ZBTB17: variants seen among roughly 807,000 people sequenced by gnomAD.
The protein encoded by ZBTB17 is zinc finger and BTB domain-containing protein 17.
ZBTB17 carries 24 observed loss-of-function variants against 85.1 expected under a neutral mutation model. The ratio of observed to expected loss-of-function variants is 0.28; its 90% CI spans 0.20 to 0.40. ZBTB17 has a LOEUF of 0.40. Ranked by LOEUF, ZBTB17 falls within the 10% of genes least tolerant of loss-of-function variation. ZBTB17 has a pLI of 1.00. For synonymous variants in ZBTB17, 464 were observed against 460.2 expected (o/e 1.01, Z -0.11); for missense variants, 743 against 1,105.1 (o/e 0.67, Z 4.65).
intron 2 of ZBTB17, chr1:15,969,967 C>T: frequency 1.2e-6 from 1 of 831,476 alleles, no homozygotes; most frequent in Non-Finnish European, 1.9e-6. Context: ...TGGTGGCTTC[C>T]CACTGGGGAA....
At chr1:15,956,726 G>A (rs1392476375) in intron 2 of ZBTB17, among the ~76,000 whole-genome samples, 1 of 152,182 alleles carries the variant, frequency 6.6e-6, no homozygotes, top group Non-Finnish European at 1.5e-5. Flanking sequence ...AATGTCTAAT[G>A]AGAGTCTACC....
chr1:15,942,967 C>T lies in ZBTB17; in HGVS notation c.1828+97G>A, dbSNP rs889311958. On this transcript the variant is annotated intron_variant, in intron 13 of 15. Coordinates refer to ENST00000375743, the MANE Select transcript of ZBTB17 (RefSeq NM_003443.3). ...AGGCCACCTGCAGCAAGAGCTAGCA[C>T]CCGAGGCTGGGGTCTGGGGGGTCCC... is the stretch of plus-strand genomic sequence containing the variant. The T allele has an allele frequency of 5.2e-6, 8 of 1,537,948 alleles. No individual in the cohort carries two copies. In the African/African-American group the frequency reaches 1.1e-4, roughly 22 times the overall value.
chr1:15,971,571 ATATATATATACACACACAC>A, intron 2 of ZBTB17, among the ~76,000 whole-genome samples: 1 of 128,730 alleles, frequency 7.8e-6, no homozygotes, highest in Non-Finnish European at 1.7e-5. Flanking sequence ...CACACACACT[ATATATATATACACACACAC>A]TATATATATA....
intron 2 of ZBTB17, among the ~76,000 whole-genome samples, chr1:15,965,603 C>T (rs2072415337): frequency 6.6e-6 from 1 of 152,202 alleles, no homozygotes; most frequent in African/African-American, 2.4e-5. Flanking sequence ...AGAGGCTGTG[C>T]ATACATGTCC....
At chr1:15,962,943 C>T (rs1327834017) in intron 2 of ZBTB17, among the ~76,000 whole-genome samples, 1 of 151,972 alleles carries the variant, frequency 6.6e-6, no homozygotes, top group African/African-American at 2.4e-5. Context: ...CAGCGAGACC[C>T]TGTTTCTAAA....
rs537932285 is a variant in ZBTB17, at chr1:15,971,882, A to T, written c.-3+1157T>A. Among the ~76,000 whole-genome samples, 4 of 70,450 alleles carry T rather than the reference A, an allele frequency of 5.7e-5. No individual in the cohort carries two copies. The East Asian group carries it at 1.0e-3, about 18-fold the overall frequency. 46.2% of individuals were successfully genotyped at this position (70,450 alleles called of 152,430 possible). ...CTTGTGATTAGGAAAATTAATAGTC[A>T]TTACTTTTTTTTTTTTTAACTCTTT... On this transcript the variant is annotated intron_variant, in intron 2 of 15. Transcript: ENST00000375743.
At chr1:15,957,906 G>C (rs1001398204) in intron 2 of ZBTB17, among the ~76,000 whole-genome samples, 1 of 152,158 alleles carries the variant, frequency 6.6e-6, no homozygotes, top group Non-Finnish European at 1.5e-5. Flanking sequence ...AGACTCCGTG[G>C]GGGGAATCAG....
chr1:15,949,520 G>A (rs1557779848), intron 2 of ZBTB17, among the ~76,000 whole-genome samples: 1 of 152,260 alleles, frequency 6.6e-6, no homozygotes, highest in African/African-American at 2.4e-5. Flanking sequence ...CCTGGCCCAG[G>A]ATCTGCTAAG....
At position 15,945,938 on chromosome 1, in the gene ZBTB17, C is replaced by T. The variant is rs755472925; in HGVS notation, c.536-98G>A. Reference sequence around the variant, plus strand: ...GCGCTGGTGGTGGCTGCGTGTGACCCAGGAGGGGAGGCCCCAGCACACCCC... The same window carrying T: ...GCGCTGGTGGTGGCTGCGTGTGACCTAGGAGGGGAGGCCCCAGCACACCCC... On this transcript the variant is annotated intron_variant, in intron 5 of 15. Coordinates refer to ENST00000375743, the MANE Select transcript of ZBTB17 (RefSeq NM_003443.3). The T allele has an allele frequency of 6.4e-6, 10 of 1,563,212 alleles. No homozygotes were observed. The African/African-American group carries it at 1.1e-4, about 17-fold the overall frequency.
intron 9 of ZBTB17, 81 bp downstream of exon 9, chr1:15,944,219 C>G (rs745662848): frequency 3.3e-6 from 5 of 1,522,340 alleles, no homozygotes; most frequent in South Asian, 1.2e-5. Context: ...CTGTGCTCCC[C>G]GCCCGCCCCA....
At position 15,952,041 on chromosome 1, in the gene ZBTB17, C is replaced by A. The variant is rs1251234809; in HGVS notation, c.-2-3544G>T. ...GTCAAGGTCTGTGGTCTTGTCTTCA[C>A]CTTGCGTGATGGGCGATAAATATGT... On this transcript the variant is annotated intron_variant, in intron 2 of 15. Coordinates refer to ENST00000375743, the MANE Select transcript of ZBTB17 (RefSeq NM_003443.3). This position sits in a 1 kb window ranked among gnomAD's most constrained non-coding sequence, Gnocchi z 4.3. Among the ~76,000 whole-genome samples the A allele has an allele frequency of 1.3e-5, 2 of 152,212 alleles. No individual in the cohort carries two copies. Among genetic ancestry groups the A allele is most frequent in the Non-Finnish European group, 2.9e-5 (2 of 68,048 alleles).
At chr1:15,946,004 C>T (rs2071591096) in intron 5 of ZBTB17, 150 bp downstream of exon 5, 2 of 1,546,824 alleles carry the variant, frequency 1.3e-6, no homozygotes, top group Non-Finnish European at 1.8e-6. Context: ...AAACAGACCC[C>T]CTGGAACACA....
At chr1:15,968,066 A>AC (rs998683617) in intron 2 of ZBTB17, among the ~76,000 whole-genome samples, 13 of 152,192 alleles carry the variant, frequency 8.5e-5, no homozygotes, top group African/African-American at 2.9e-4. Flanking sequence ...ACAGAAACCC[A>AC]CCCCCCACAA....
intron 12 of ZBTB17, 43 bp downstream of exon 12, chr1:15,943,356 C>T: frequency 6.3e-7 from 1 of 1,581,106 alleles, no homozygotes; most frequent in Non-Finnish European, 8.6e-7. Context: ...AGCCCCCTCA[C>T]TGTGGGGTGT....
At chr1:15,946,344 T>G (rs780764524) in intron 4 of ZBTB17, 50 bp from the exon 5 acceptor site, 1 of 1,585,790 alleles carries the variant, frequency 6.3e-7, no homozygotes, top group Admixed American at 1.7e-5. Context: ...GTGCCCGCCA[T>G]CTGGAGGTGT....
In ZBTB17 at chr1:15,942,118, G is replaced by A; in HGVS notation, c.2263C>T (p.Gln755Ter). ...VMFQTDADFY[Q>*]QYGPGGTWPA... ...CACGTGCCACCTGGCCCATACTGCT[G>A]ATAGAAGTCCGCGTCTGTCTGGAAC... The change falls in exon 16 of 16, where the codon CAG (glutamine) becomes TAG (stop). Residue 755 changes from glutamine to a stop codon, truncating the protein, a stop_gained. Coordinates refer to ENST00000375743, the MANE Select transcript of ZBTB17 (RefSeq NM_003443.3). LOFTEE classifies it high-confidence loss of function. 6.2e-7 allele frequency: 1 copy of A among 1,613,442 alleles called. No individual in the cohort carries two copies. Among genetic ancestry groups the A allele is most frequent in the Non-Finnish European group, 8.5e-7 (1 of 1,180,034 alleles).
rs146505610 is a variant in ZBTB17, at chr1:15,952,280, T to C, written c.-2-3783A>G. ...TCTCCCTCACCTCAGGTGTCAGAGC[T>C]GGGATGCTGTCCTGATGACCAAAAG... On this transcript the variant is annotated intron_variant, in intron 2 of 15. Transcript: ENST00000375743. The surrounding 1 kb of genome is among the most constrained non-coding windows in gnomAD (Gnocchi z 4.3). Among the ~76,000 whole-genome samples the C allele has an allele frequency of 3.2e-4, 49 of 152,322 alleles. No homozygotes were observed. The highest frequency in any genetic ancestry group is 5.9e-4 in the Admixed American group (9 of 15,304).
chr1:15,967,710 G>A (rs944832897), intron 2 of ZBTB17, among the ~76,000 whole-genome samples: 15 of 152,074 alleles, frequency 9.9e-5, no homozygotes, highest in Non-Finnish European at 1.8e-4. Context: ...TGGAGCCAGG[G>A]ACTCGACTAA....
At chr1:15,963,178 T>C (rs954668456) in intron 2 of ZBTB17, among the ~76,000 whole-genome samples, 2 of 152,086 alleles carry the variant, frequency 1.3e-5, no homozygotes, top group Non-Finnish European at 2.9e-5. Context: ...ATATTCACAG[T>C]TTGCTGCTGC....
Sources: gnomAD v4.1 joint callset for allele counts (sites outside exome capture counted in the v4.1 genomes callset) on GRCh38, gnomAD v4.1.1 for gene constraint, Gnocchi (gnomAD v3.1) non-coding constraint, MANE v1.5 for transcripts, NCBI Gene and HGNC (gene_info 2026-07-23, HGNC 2026-07-21) for gene names.